The following CDC123 variants were observed in gnomAD, a reference collection of about 807,000 sequenced individuals.
CDC123 encodes translation initiation factor eIF2 assembly protein.
In CDC123, 37 loss-of-function variants were observed where a neutral mutation model predicts 54.4. That is an observed-to-expected ratio of 0.68 (90% CI 0.52 to 0.89). CDC123 has a LOEUF of 0.89. CDC123 is among the 40% of genes least tolerant of loss of function. The probability of loss-of-function intolerance (pLI) is 0.00; values close to 1 mark genes in which losing one functional copy is unlikely to be tolerated. For missense variants in CDC123, 361 were observed against 412.1 expected (o/e 0.88, Z 1.07); for synonymous variants, 144 against 136.8 (o/e 1.05, Z -0.37).
chr10:12,196,627 A>C (rs1186369043), intron 1 of CDC123, among the ~76,000 whole-genome samples: 1 of 152,102 alleles, frequency 6.6e-6, no homozygotes, highest in Non-Finnish European at 1.5e-5. Flanking sequence ...ATCACTGCCT[A>C]AGTGCACTCG....
chr10:12,228,267 C>T (rs1038402353), intron 6 of CDC123, among the ~76,000 whole-genome samples: 1 of 152,052 alleles, frequency 6.6e-6, no homozygotes, highest in African/African-American at 2.4e-5. Flanking sequence ...AACTGTTAAG[C>T]TTAATTATTA....
intron 6 of CDC123, among the ~76,000 whole-genome samples, chr10:12,229,892 C>G (rs1835874404): frequency 6.6e-6 from 1 of 152,140 alleles, no homozygotes; most frequent in Non-Finnish European, 1.5e-5. Flanking sequence ...TTTCGATGGC[C>G]AACGTTACGT....
intron 2 of CDC123, 51 bp downstream of exon 2, chr10:12,198,827 T>G (rs1338419854): frequency 3.1e-6 from 3 of 959,608 alleles, no homozygotes. Flanking sequence ...AAGAAACACA[T>G]AAAATGAATG....
At chr10:12,239,239 A>G (rs1836021512) in intron 10 of CDC123, among the ~76,000 whole-genome samples, 1 of 151,956 alleles carries the variant, frequency 6.6e-6, no homozygotes, top group Non-Finnish European at 1.5e-5. Flanking sequence ...AAATATACCT[A>G]ACATTAGAGG....
At chr10:12,246,091 C>T (rs866964760) in intron 10 of CDC123, 58 bp from the exon 11 acceptor site, 2 of 1,567,118 alleles carry the variant, frequency 1.3e-6, no homozygotes, top group African/African-American at 2.7e-5. Context: ...GTGTTTCTTT[C>T]TCAGAAGACA....
chr10:12,200,120 A>ACT (rs1554805191), intron 2 of CDC123, among the ~76,000 whole-genome samples: 60 of 59,372 alleles, frequency 1.0e-3, no homozygotes, highest in Non-Finnish European at 1.5e-3. Context: ...CGCACTCGGC[A>ACT]TTTTTTTTTT....
intron 8 of CDC123, 137 bp downstream of exon 8, chr10:12,235,260 G>A: frequency 2.9e-6 from 2 of 684,192 alleles, no homozygotes; most frequent in South Asian, 1.7e-5. Context: ...CCTCTAACCA[G>A]TTGATACTGA....
At chr10:12,236,885 C>T (rs956831906) in intron 8 of CDC123, among the ~76,000 whole-genome samples, 10 of 117,248 alleles carry the variant, frequency 8.5e-5, no homozygotes, top group African/African-American at 3.3e-4. Flanking sequence ...AGTGAGACTC[C>T]GTCTCAAAAC....
At chr10:12,218,592 T>A (rs930032907) in intron 6 of CDC123, among the ~76,000 whole-genome samples, 1 of 152,304 alleles carries the variant, frequency 6.6e-6, no homozygotes, top group East Asian at 1.9e-4. Context: ...GTGACATCAT[T>A]GCGTGTCTAA....
At chr10:12,228,613 C>G (rs1462738638) in intron 6 of CDC123, among the ~76,000 whole-genome samples, 1 of 152,122 alleles carries the variant, frequency 6.6e-6, no homozygotes, top group Non-Finnish European at 1.5e-5. Context: ...TCTTGTTGCC[C>G]AGGCTGGAGT....
intron 4 of CDC123, among the ~76,000 whole-genome samples, chr10:12,214,624 T>G (rs999775829): frequency 6.6e-6 from 1 of 152,218 alleles, no homozygotes; most frequent in African/African-American, 2.4e-5. Flanking sequence ...CAAAGCTGTT[T>G]CTTGTTTTGG....
chr10:12,239,504 G>A (rs748733060), intron 10 of CDC123, among the ~76,000 whole-genome samples: 68 of 150,360 alleles, frequency 4.5e-4, no homozygotes, highest in Non-Finnish European at 8.4e-4. Context: ...CCTGAGGTCG[G>A]GAGTTCGAAA....
chr10:12,214,270 C>G (rs1288978461), intron 4 of CDC123, among the ~76,000 whole-genome samples: 3 of 152,180 alleles, frequency 2.0e-5, no homozygotes, highest in Admixed American at 2.0e-4. Flanking sequence ...CAATGCCGTT[C>G]ATAGGAAATA....
intron 10 of CDC123, chr10:12,245,840 G>A (rs1454996512): frequency 9.0e-6 from 2 of 221,328 alleles, no homozygotes; most frequent in Non-Finnish European, 1.8e-5. Context: ...GGAGGCTGAG[G>A]TGAGGGGATT....
chr10:12,231,642 AAAG>A (rs1835903385), intron 7 of CDC123, among the ~76,000 whole-genome samples: 1 of 151,628 alleles, frequency 6.6e-6, no homozygotes, highest in Non-Finnish European at 1.5e-5. Flanking sequence ...AAAAAAAAAA[AAAG>A]AATAAGAGGA....
intron 2 of CDC123, among the ~76,000 whole-genome samples, chr10:12,203,469 T>TG (rs1460330346): frequency 1.3e-5 from 2 of 152,160 alleles, no homozygotes; most frequent in African/African-American, 2.4e-5. Flanking sequence ...TCAGATCTAA[T>TG]GGTAATGGTT....
intron 1 of CDC123, among the ~76,000 whole-genome samples, chr10:12,196,991 A>G (rs1254726748): frequency 6.6e-6 from 1 of 152,230 alleles, no homozygotes; most frequent in African/African-American, 2.4e-5. Flanking sequence ...TTCTGAGCCA[A>G]CATTTCAGTA....
At chr10:12,233,804 T>C (rs2131756947) in intron 7 of CDC123, among the ~76,000 whole-genome samples, 2 of 152,194 alleles carry the variant, frequency 1.3e-5, no homozygotes, top group South Asian at 4.1e-4. Context: ...TGTGTTTTTT[T>C]AATACATTGA....
chr10:12,196,235 G>T lies in CDC123; in HGVS notation c.-11G>T. On this transcript the variant is annotated 5_prime_UTR_variant, in exon 1 of 13. Coordinates refer to ENST00000281141, the MANE Select transcript of CDC123 (RefSeq NM_006023.3). ...AGGAGAGGGAAAGGCAGCAGCGGCGGCAGCTGGAGGATGAAGAAGGAGCAT... is the reference window on the plus strand; with the variant it reads ...AGGAGAGGGAAAGGCAGCAGCGGCGTCAGCTGGAGGATGAAGAAGGAGCAT... The T allele has an allele frequency of 6.2e-7, 1 of 1,613,902 alleles. No homozygotes were observed. Among genetic ancestry groups the T allele is most frequent in the South Asian group, 1.1e-5 (1 of 91,064 alleles).
Sources: gnomAD v4.1 joint callset for allele counts (sites outside exome capture counted in the v4.1 genomes callset) on GRCh38, gnomAD v4.1.1 for gene constraint, MANE v1.5 for transcripts, NCBI Gene and HGNC (gene_info 2026-07-23, HGNC 2026-07-21) for gene names.